Variants in USP3 observed in about 807,000 individuals in gnomAD.
The protein encoded by USP3 is ubiquitin specific peptidase 3, also known as ubiquitin carboxyl-terminal hydrolase 3.
In USP3, 20 loss-of-function variants were observed where a neutral mutation model predicts 72.3. The ratio of observed to expected loss-of-function variants is 0.28; its 90% CI spans 0.19 to 0.40. USP3 has a LOEUF of 0.40. USP3 is among the 10% of genes least tolerant of loss of function. The pLI, the probability that USP3 is intolerant of heterozygous loss-of-function variation, is 1.00. For synonymous variants in USP3, 222 were observed against 225.3 expected (o/e 0.99, Z 0.13); for missense variants, 479 against 633.9 (o/e 0.76, Z 2.62).
In USP3 at chr15:63,522,083, C is replaced by T. The variant is rs566601708; in HGVS notation, c.92-10564C>T. 2.0e-5 allele frequency among the ~76,000 whole-genome samples: 3 copies of T among 152,302 alleles called. No homozygotes were observed. In the South Asian group the frequency reaches 6.2e-4, roughly 32 times the overall value. On this transcript the variant is annotated intron_variant, in intron 1 of 14. Coordinates refer to ENST00000380324, the MANE Select transcript of USP3 (RefSeq NM_006537.4). ...TAGAGGCGAGGTCTCACTATATTGCCCAGGCTGATCTGGAACTCCTGGTCT... is the reference window on the plus strand; with the variant it reads ...TAGAGGCGAGGTCTCACTATATTGCTCAGGCTGATCTGGAACTCCTGGTCT...
At chr15:63,527,949 C>T (rs375864577) in intron 1 of USP3, 2 of 152,244 alleles carry the variant, frequency 1.3e-5, no homozygotes, top group South Asian at 2.1e-4. Flanking sequence ...CCCACCCTCT[C>T]CATGGCCCAG....
intron 14 of USP3, chr15:63,589,243 G>T (rs193076259): frequency 7.2e-6 from 4 of 555,886 alleles, no homozygotes; most frequent in Non-Finnish European, 1.3e-5. Flanking sequence ...CAGTATTTAC[G>T]ACCCAGTCTT....
At chr15:63,516,834 A>G (rs1226618566) in intron 1 of USP3, among the ~76,000 whole-genome samples, 3 of 151,162 alleles carry the variant, frequency 2.0e-5, no homozygotes, top group Admixed American at 1.3e-4. Flanking sequence ...TTTTTTATGT[A>G]TAGGTTCACA....
At chr15:63,567,265 C>T (rs1431493822) in intron 8 of USP3, among the ~76,000 whole-genome samples, 2 of 151,950 alleles carry the variant, frequency 1.3e-5, no homozygotes, top group African/African-American at 4.8e-5. Context: ...ACCTCCGCCT[C>T]CCAGGTTCAA....
At chr15:63,577,667 G>A (rs1199403981) in intron 11 of USP3, among the ~76,000 whole-genome samples, 2 of 152,216 alleles carry the variant, frequency 1.3e-5, no homozygotes, top group Non-Finnish European at 1.5e-5. Context: ...CAGGAGAATA[G>A]CTTGAACCAG....
rs1446737624 is a variant in USP3, at chr15:63,594,610, A to G, written c.*3784A>G. On this transcript the variant is annotated 3_prime_UTR_variant, in exon 15 of 15. Transcript: ENST00000380324. ...ACCAACCTGAACTGTTTTTAAAAAT[A>G]TCATTAAAAGTCTGTTCTCTTTCCT... is the stretch of plus-strand genomic sequence containing the variant. 1.3e-5 allele frequency: 2 copies of G among 152,206 alleles called. No individual in the cohort carries two copies. The highest frequency in any genetic ancestry group is 4.8e-5 in the African/African-American group (2 of 41,426). 9.4% of individuals were successfully genotyped at this position (152,206 alleles called of 1,614,324 possible).
rs1023253439 is a variant in USP3, at chr15:63,591,941, G to GTC, written c.*1123_*1124dup. The GTC allele has an allele frequency of 1.3e-5, 2 of 152,268 alleles. No individual in the cohort carries two copies. The highest frequency in any genetic ancestry group is 6.5e-5 in the Admixed American group (1 of 15,276). 9.4% of individuals were successfully genotyped at this position (152,268 alleles called of 1,614,324 possible). ...TTTTTGGGGGTTTTTGGAGACAAGAGTCTCTCTCTGTTGCCCAGGCTGGAG... is the reference window on the plus strand; with the variant it reads ...TTTTTGGGGGTTTTTGGAGACAAGAGTCTCTCTCTCTGTTGCCCAGGCTGGAG... On this transcript the variant is annotated 3_prime_UTR_variant, in exon 15 of 15. Transcript: ENST00000380324.
rs1338299537 is a variant in USP3, at chr15:63,553,719, C to T, written c.289C>T (p.Arg97Cys). The part of the protein sequence containing the change: ...DCSSYSTYCY[R>C]CDDFVVNDTK... ...TGATTAATATTTTCCTTGCAGTTATCGCTGTGATGATTTTGTGGTTAATGA... is the reference window on the plus strand; with the variant it reads ...TGATTAATATTTTCCTTGCAGTTATTGCTGTGATGATTTTGTGGTTAATGA... The change falls in exon 4 of 15, where the codon CGC becomes TGC. Residue 97 changes from arginine to cysteine, a missense_variant. By Grantham distance (180) the Arg-to-Cys change is radical (BLOSUM62 -3). Coordinates refer to ENST00000380324, the MANE Select transcript of USP3 (RefSeq NM_006537.4). This position sits in a 1 kb window ranked among gnomAD's most constrained non-coding sequence, Gnocchi z 4.2. 2.9e-5 allele frequency: 46 copies of T among 1,612,074 alleles called. No individual in the cohort carries two copies. The highest frequency in any genetic ancestry group is 3.2e-5 in the Non-Finnish European group (38 of 1,179,106).
At chr15:63,572,541 A>C (rs564374814) in intron 9 of USP3, among the ~76,000 whole-genome samples, 5 of 152,186 alleles carry the variant, frequency 3.3e-5, no homozygotes, top group Admixed American at 2.6e-4. Flanking sequence ...AAAAAGTAAT[A>C]ATAAAGTTAC....
chr15:63,566,512 A>C (rs2066694264), intron 8 of USP3, among the ~76,000 whole-genome samples: 1 of 151,946 alleles, frequency 6.6e-6, no homozygotes, highest in South Asian at 2.1e-4. Flanking sequence ...ACGGGATTTC[A>C]CTATGTTGGC....
In USP3 at chr15:63,593,004, G is replaced by C. The variant is rs1444692194; in HGVS notation, c.*2178G>C. On this transcript the variant is annotated 3_prime_UTR_variant, in exon 15 of 15. Coordinates refer to ENST00000380324, the MANE Select transcript of USP3 (RefSeq NM_006537.4). ...CCACATGTGACTGAAATTTAAATTAGAAACTCAGTGCCTTCAGTCACACTA... is the reference window on the plus strand; with the variant it reads ...CCACATGTGACTGAAATTTAAATTACAAACTCAGTGCCTTCAGTCACACTA... 1 of 152,120 alleles carries C rather than the reference G, an allele frequency of 6.6e-6. No individual in the cohort carries two copies. The highest frequency in any genetic ancestry group is 1.5e-5 in the Non-Finnish European group (1 of 68,022). 9.4% of individuals were successfully genotyped at this position (152,120 alleles called of 1,614,324 possible).
intron 2 of USP3, chr15:63,533,724 C>T: frequency 2.1e-6 from 1 of 484,492 alleles, no homozygotes; most frequent in Admixed American, 4.2e-5. Context: ...AGTATTTTTT[C>T]CATGTGCACT....
intron 3 of USP3, among the ~76,000 whole-genome samples, chr15:63,541,251 A>C (rs900454670): frequency 5.3e-5 from 8 of 152,194 alleles, no homozygotes; most frequent in African/African-American, 1.9e-4. Context: ...TTGTCTAGAA[A>C]AGAGGCTTGA....
At position 63,588,258 on chromosome 15, in the gene USP3, C is replaced by T. The variant is rs773720786; in HGVS notation, c.1097-47C>T. 4.2e-6 allele frequency: 6 copies of T among 1,435,166 alleles called. No homozygotes were observed. In the South Asian group the frequency reaches 7.6e-5, roughly 18 times the overall value. The allele number at this position is 1,435,166 out of a possible 1,614,324, so 88.9% of individuals were successfully genotyped here. A position where few individuals can be genotyped will look rare whatever the true frequency, so the allele number is the denominator to read the frequency against. On this transcript the variant is annotated intron_variant, in intron 11 of 14. Coordinates refer to ENST00000380324, the MANE Select transcript of USP3 (RefSeq NM_006537.4). This position sits in a 1 kb window ranked among gnomAD's most constrained non-coding sequence, Gnocchi z 4.6. ...GTCTTTTTTCTACAGTACATTGCCT[C>T]TACAAAAGGCATCTTGTTTTAATGC...
chr15:63,553,691 C>T lies in USP3; in HGVS notation c.285-24C>T, dbSNP rs781111628. On this transcript the variant is annotated intron_variant, in intron 3 of 14. Transcript: ENST00000380324. This position sits in a 1 kb window ranked among gnomAD's most constrained non-coding sequence, Gnocchi z 4.2. ...GTGGTTTCCTCAAGCTCTTTACACA[C>T]ATTGATTAATATTTTCCTTGCAGTT... 8 of 1,605,546 alleles carry T rather than the reference C, an allele frequency of 5.0e-6. No homozygotes were observed. In the East Asian group the frequency reaches 1.3e-4, roughly 27 times the overall value.
chr15:63,507,289 G>A (rs962562533), intron 1 of USP3, among the ~76,000 whole-genome samples: 1 of 152,148 alleles, frequency 6.6e-6, no homozygotes, highest in African/African-American at 2.4e-5. Flanking sequence ...AGACAGCCAA[G>A]CAAATTGCAA....
intron 1 of USP3, among the ~76,000 whole-genome samples, chr15:63,519,415 G>A (rs2065890034): frequency 6.6e-6 from 1 of 151,048 alleles, no homozygotes; most frequent in South Asian, 2.1e-4. Context: ...ATGTTCTTCA[G>A]TTTGAGTTTT....
At chr15:63,590,405 T>A (rs1382582792) in intron 14 of USP3, among the ~76,000 whole-genome samples, 1 of 152,194 alleles carries the variant, frequency 6.6e-6, no homozygotes, top group Non-Finnish European at 1.5e-5. Context: ...TTCCGTAGGC[T>A]TTGACCTGTG....
In USP3 at chr15:63,577,140, A is replaced by C. The variant is rs540564531; in HGVS notation, c.1096+2737A>C. On this transcript the variant is annotated intron_variant, in intron 11 of 14. Coordinates refer to ENST00000380324, the MANE Select transcript of USP3 (RefSeq NM_006537.4). ...ATTGCAAAAGGCATTAAATAACCCC[A>C]GTTCTAAAACCTGACAGATACCATG... Among the ~76,000 whole-genome samples, 6 of 152,352 alleles carry C rather than the reference A, an allele frequency of 3.9e-5. No homozygotes were observed. In the South Asian group the frequency reaches 1.2e-3, roughly 32 times the overall value.
Sources: allele counts gnomAD v4.1 joint callset (sites outside exome capture counted in the v4.1 genomes callset), GRCh38; gene constraint gnomAD v4.1.1; non-coding constraint Gnocchi (gnomAD v3.1); transcripts MANE v1.5; gene names NCBI Gene and HGNC (gene_info 2026-07-23, HGNC 2026-07-21).